ARNT2: variants seen among roughly 807,000 people sequenced by gnomAD.
ARNT2 encodes the protein aryl hydrocarbon receptor nuclear translocator 2.
In ARNT2, 36 loss-of-function variants were observed where a neutral mutation model predicts 91.7. The observed-to-expected ratio is 0.39, with a 90% confidence interval of 0.30 to 0.52. The LOEUF is 0.52. ARNT2 is among the 20% of genes least tolerant of loss of function. The probability of loss-of-function intolerance (pLI) is 0.72; values close to 1 mark genes in which losing one functional copy is unlikely to be tolerated. For synonymous variants in ARNT2, 365 were observed against 347.1 expected, an observed-to-expected ratio of 1.05 and a Z score of -0.57; for missense variants, 775 against 939.3, an observed-to-expected ratio of 0.83 and a Z score of 2.29.
intron 17 of ARNT2, 43 bp downstream of exon 17, chr15:80,581,447 C>G (rs769072652): frequency 6.2e-7 from 1 of 1,610,218 alleles, no homozygotes; most frequent in Non-Finnish European, 8.5e-7. Flanking sequence ...AAAGCCAGCA[C>G]AAATGCTTTC....
chr15:80,453,146 G>A (rs1335974792), intron 2 of ARNT2, among the ~76,000 whole-genome samples: 1 of 152,236 alleles, frequency 6.6e-6, no homozygotes, highest in Non-Finnish European at 1.5e-5. Flanking sequence ...TGGCACTGGA[G>A]GCAGATGTGG....
intron 9 of ARNT2, among the ~76,000 whole-genome samples, chr15:80,551,488 C>A (rs1003577708): frequency 6.6e-6 from 1 of 152,174 alleles, no homozygotes; most frequent in African/African-American, 2.4e-5. Flanking sequence ...TGAGGGGTTG[C>A]ATCAGTTCAT....
intron 4 of ARNT2, among the ~76,000 whole-genome samples, chr15:80,471,593 G>A (rs1022331640): frequency 2.6e-5 from 4 of 152,216 alleles, no homozygotes; most frequent in Non-Finnish European, 4.4e-5. Flanking sequence ...CGCGATCAGA[G>A]CACTTAGCCG....
intron 8 of ARNT2, among the ~76,000 whole-genome samples, chr15:80,523,446 G>C: frequency 6.6e-6 from 1 of 152,140 alleles, no homozygotes; most frequent in East Asian, 1.9e-4. Context: ...ACCTGCCTGG[G>C]GTTAGGACAG....
rs539065035 is a variant in ARNT2 at position 80,569,431 on chromosome 15, G to A, written c.1317-4717G>A. On this transcript the variant is annotated intron_variant, in intron 12 of 18. Coordinates refer to ENST00000303329, the MANE Select transcript of ARNT2 (RefSeq NM_014862.4). The stretch of plus-strand genomic sequence containing the variant: ...CTTCTCTGGAATTTGCAAGCACACC[G>A]AGGTTTATTTTTATACCATTGCCGT... Among the ~76,000 whole-genome samples, 20 of 152,310 alleles carry A rather than the reference G, an allele frequency of 1.3e-4. No individual in the cohort carries two copies. In the South Asian group the frequency reaches 3.3e-3, roughly 25 times the overall value.
Position 80,555,102 on chromosome 15 carries a change from C to T in ARNT2, c.1127C>T (p.Pro376Leu), listed in dbSNP as rs1016041276. The T allele has an allele frequency of 6.2e-7, 1 of 1,614,110 alleles. No homozygotes were observed. The highest frequency in any genetic ancestry group is 8.5e-7 in the Non-Finnish European group (1 of 1,180,052). Residue 376 changes from proline (P) to leucine (L), a missense_variant, in exon 11 of 19, where the codon CCT becomes CTT. This residue lies in a region of ARNT2 where 285 missense variants were observed against 327.2 expected (regional missense o/e 0.87). Transcript: ENST00000303329. ...LGKDILEFCH[P>L]EDQSHLRESF... ...AAGGACATTTTGGAATTCTGCCACC[C>T]TGAGGATCAAAGCCATCTGCGTGAG... is the stretch of plus-strand genomic sequence containing the variant.
chr15:80,423,271 C>T (rs1360550278), intron 1 of ARNT2, among the ~76,000 whole-genome samples: 1 of 152,164 alleles, frequency 6.6e-6, no homozygotes. Flanking sequence ...GTCAACGTCA[C>T]CATCATCCTA....
chr15:80,552,585 A>T, intron 9 of ARNT2, 55 bp from the exon 10 acceptor site: 1 of 1,586,464 alleles, frequency 6.3e-7, no homozygotes, highest in Non-Finnish European at 8.6e-7. Context: ...CTCTGTCACC[A>T]TCTCCATCTC....
intron 1 of ARNT2, among the ~76,000 whole-genome samples, chr15:80,420,009 A>G (rs1895839302): frequency 6.6e-6 from 1 of 152,228 alleles, no homozygotes; most frequent in African/African-American, 2.4e-5. Flanking sequence ...TAGGCTGCCA[A>G]TGGTCACAGC....
intron 1 of ARNT2, among the ~76,000 whole-genome samples, chr15:80,429,579 A>G (rs1159153449): frequency 6.6e-6 from 1 of 152,174 alleles, no homozygotes; most frequent in Non-Finnish European, 1.5e-5. Flanking sequence ...CTGGGAGCTG[A>G]TATAGCAAAT....
At chr15:80,570,385 T>C (rs1005732736) in intron 12 of ARNT2, among the ~76,000 whole-genome samples, 1 of 152,198 alleles carries the variant, frequency 6.6e-6, no homozygotes, top group South Asian at 2.1e-4. Flanking sequence ...GACAAAGTGC[T>C]GGCCATCAGT....
intron 8 of ARNT2, among the ~76,000 whole-genome samples, chr15:80,514,885 C>CA (rs945641382): frequency 1.3e-5 from 2 of 151,782 alleles, no homozygotes; most frequent in African/African-American, 2.4e-5. Context: ...GACCCCATCT[C>CA]AAAAAAACAA....
chr15:80,580,688 C>T (rs752302512), intron 16 of ARNT2, 139 bp downstream of exon 16: 15 of 1,118,980 alleles, frequency 1.3e-5, no homozygotes, highest in Non-Finnish European at 1.8e-5. Context: ...GCTGGCTACT[C>T]AGGAGCACCA....
At chr15:80,547,111 T>C (rs1217064870) in intron 8 of ARNT2, among the ~76,000 whole-genome samples, 8 of 152,228 alleles carry the variant, frequency 5.3e-5, no homozygotes, top group Admixed American at 3.9e-4. Flanking sequence ...GTGTGGTCCA[T>C]GGACCCTGGG....
chr15:80,410,219 A>G (rs1895660884), intron 1 of ARNT2, among the ~76,000 whole-genome samples: 1 of 152,174 alleles, frequency 6.6e-6, no homozygotes, highest in South Asian at 2.1e-4. Flanking sequence ...GGGGGCAGGG[A>G]TGCCATGCTG....
At chr15:80,489,390 C>T (rs1781524086) in intron 5 of ARNT2, among the ~76,000 whole-genome samples, 1 of 152,230 alleles carries the variant, frequency 6.6e-6, no homozygotes, top group African/African-American at 2.4e-5. Flanking sequence ...CGCAAAGCCT[C>T]CCTGGACAGT....
At chr15:80,432,280 C>T (rs1358315029) in intron 1 of ARNT2, among the ~76,000 whole-genome samples, 1 of 152,148 alleles carries the variant, frequency 6.6e-6, no homozygotes, top group Non-Finnish European at 1.5e-5. Context: ...GAAGATTTCT[C>T]GCCTCTTCTT....
At position 80,513,931 on chromosome 15, in the gene ARNT2, A is replaced by G. The variant is rs139578930; in HGVS notation, c.746A>G (p.Asp249Gly). The G allele has an allele frequency of 5.0e-6, 8 of 1,613,572 alleles. No individual in the cohort carries two copies. The highest frequency in any genetic ancestry group is 1.6e-4 in the Middle Eastern group (1 of 6,082). Residue 249 changes from aspartate to glycine, a missense_variant, in exon 7 of 19, where the codon GAC becomes GGC. This residue lies in a region of ARNT2 where 285 missense variants were observed against 327.2 expected (regional missense o/e 0.87). Transcript: ENST00000303329. ...CTTAGGTGTGGAAATGCTCCTTTGG[A>G]CCACCTTCCTCTAAACAGAATAACC... ...CRMRCGNAPL[D>G]HLPLNRITTM...
intron 3 of ARNT2, among the ~76,000 whole-genome samples, chr15:80,469,020 C>T (rs1244712740): frequency 2.0e-5 from 3 of 152,198 alleles, no homozygotes; most frequent in Non-Finnish European, 4.4e-5. Context: ...TGGAGGCAGC[C>T]CTGCCTGAGT....
Sources: allele counts gnomAD v4.1 joint callset (sites outside exome capture counted in the v4.1 genomes callset), GRCh38; gene constraint gnomAD v4.1.1; regional missense constraint gnomAD v4.1.1; transcripts MANE v1.5; gene names NCBI Gene and HGNC (gene_info 2026-07-23, HGNC 2026-07-21).